NARS2: variants seen among roughly 807,000 people sequenced by gnomAD.
NARS2 encodes asparaginyl-tRNA synthetase.
In NARS2, 60 loss-of-function variants were observed where a neutral mutation model predicts 62.9. The observed-to-expected ratio is 0.95, with a 90% CI of 0.77 to 1.18. NARS2 has a LOEUF of 1.18. NARS2 is among the 50% of genes most tolerant of loss of function. The pLI is 0.00. For missense variants in NARS2, 619 were observed against 576.4 expected, an observed-to-expected ratio of 1.07 and a Z score of -0.76; for synonymous variants, 196 against 200.0, an observed-to-expected ratio of 0.98 and a Z score of 0.17.
chr11:78,448,379 C>T (rs1483558901), intron 11 of NARS2, among the ~76,000 whole-genome samples: 2 of 150,088 alleles, frequency 1.3e-5, no homozygotes, highest in African/African-American at 2.5e-5. Flanking sequence ...TGCAGTGGCG[C>T]GATCTTGGCT....
intron 5 of NARS2, among the ~76,000 whole-genome samples, chr11:78,554,669 G>A (rs1394206371): frequency 6.6e-6 from 1 of 152,108 alleles, no homozygotes; most frequent in East Asian, 1.9e-4. Flanking sequence ...AGGAGCTTTT[G>A]GGCTGAGGCT....
chr11:78,478,788 C>A, intron 7 of NARS2, 105 bp from the exon 8 acceptor site: 1 of 549,826 alleles, frequency 1.8e-6, no homozygotes, highest in Non-Finnish European at 3.1e-6. Flanking sequence ...AACTATAAAT[C>A]CACCAAGTCT....
chr11:78,464,479 C>T (rs970067872), intron 11 of NARS2, among the ~76,000 whole-genome samples: 3 of 152,178 alleles, frequency 2.0e-5, no homozygotes, highest in African/African-American at 7.2e-5. Flanking sequence ...GGTACATTTA[C>T]AGTCCCTGAG....
In NARS2 at chr11:78,505,305, CACACACACACACACACACAT is replaced by C. The variant is rs1338103808; in HGVS notation, c.690-12130_690-12111del. Among the ~76,000 whole-genome samples, 281 of 145,996 alleles carry C rather than the reference CACACACACACACACACACAT, an allele frequency of 1.9e-3. 1 individual carries two copies. The highest frequency in any genetic ancestry group is 6.9e-3 in the African/African-American group (254 of 36,812). ...ACACACACACACACACACACACACACACACACACACACACACACATACGTATGTATATATCTTATGTTAAA... is the reference window on the plus strand; with the variant it reads ...ACACACACACACACACACACACACACACGTATGTATATATCTTATGTTAAA... On this transcript the variant is annotated intron_variant, in intron 6 of 13. Coordinates refer to ENST00000281038, the MANE Select transcript of NARS2 (RefSeq NM_024678.6).
At chr11:78,517,630 C>A (rs896413449) in intron 6 of NARS2, among the ~76,000 whole-genome samples, 1 of 152,184 alleles carries the variant, frequency 6.6e-6, no homozygotes, top group African/African-American at 2.4e-5. Context: ...CCTTCTAAGT[C>A]TATTTACTTC....
Position 78,464,685 on chromosome 11 carries a change from T to C in NARS2, c.1164+1191A>G, listed in dbSNP as rs1029798869. Among the ~76,000 whole-genome samples, 12 of 152,068 alleles carry C rather than the reference T, an allele frequency of 7.9e-5. No homozygotes were observed. In the South Asian group the frequency reaches 1.5e-3, roughly 18 times the overall value. ...AGAGTGCTGATTGGTGTATTTACAA[T>C]CCCTTAGCTAGACATAAAGGTTCTC... On this transcript the variant is annotated intron_variant, in intron 11 of 13. Coordinates refer to ENST00000281038, the MANE Select transcript of NARS2 (RefSeq NM_024678.6).
At chr11:78,555,657 G>GT (rs1357180970) in intron 5 of NARS2, among the ~76,000 whole-genome samples, 1 of 152,196 alleles carries the variant, frequency 6.6e-6, no homozygotes, top group East Asian at 1.9e-4. Context: ...TATTTTGAAT[G>GT]TTTTTTTGTG....
intron 4 of NARS2, among the ~76,000 whole-genome samples, chr11:78,564,279 T>C (rs1856665647): frequency 6.6e-6 from 1 of 152,168 alleles, no homozygotes; most frequent in Non-Finnish European, 1.5e-5. Flanking sequence ...CACTGCAGCC[T>C]CCACCTCCTG....
intron 5 of NARS2, among the ~76,000 whole-genome samples, chr11:78,557,880 T>C (rs951745783): frequency 6.7e-6 from 1 of 150,058 alleles, no homozygotes; most frequent in African/African-American, 2.4e-5. Context: ...GCTTATGGGA[T>C]TTCCCTGGTA....
intron 6 of NARS2, among the ~76,000 whole-genome samples, chr11:78,512,878 G>A (rs550335420): frequency 2.0e-5 from 3 of 152,044 alleles, no homozygotes; most frequent in South Asian, 2.1e-4. Context: ...ATCACATCAC[G>A]GAATATTGGG....
chr11:78,508,304 A>T (rs555222091), intron 6 of NARS2, among the ~76,000 whole-genome samples: 1 of 152,188 alleles, frequency 6.6e-6, no homozygotes, highest in Non-Finnish European at 1.5e-5. Flanking sequence ...AGAGAGAAAA[A>T]GGCAAAGAGA....
At chr11:78,562,494 A>G (rs1294895280) in intron 4 of NARS2, among the ~76,000 whole-genome samples, 1 of 152,208 alleles carries the variant, frequency 6.6e-6, no homozygotes, top group Non-Finnish European at 1.5e-5. Flanking sequence ...TGCCATACAG[A>G]GAAGAACAAT....
chr11:78,559,690 A>T, intron 4 of NARS2, 71 bp from the exon 5 acceptor site: 2 of 1,046,220 alleles, frequency 1.9e-6, no homozygotes, highest in Non-Finnish European at 3.0e-6. Context: ...ATCCTCTTAT[A>T]GTATTAAAAT....
intron 11 of NARS2, among the ~76,000 whole-genome samples, chr11:78,458,295 G>C (rs1338682577): frequency 1.3e-5 from 2 of 152,078 alleles, no homozygotes; most frequent in East Asian, 1.9e-4. Flanking sequence ...TTAAAATTTA[G>C]AAAGTAGGAA....
At chr11:78,447,861 G>A (rs1413139622) in intron 11 of NARS2, among the ~76,000 whole-genome samples, 2 of 152,108 alleles carry the variant, frequency 1.3e-5, no homozygotes, top group Non-Finnish European at 2.9e-5. Flanking sequence ...GGAAGGGAAC[G>A]AAGAGTTGCT....
intron 6 of NARS2, among the ~76,000 whole-genome samples, chr11:78,508,631 A>T (rs1406861732): frequency 6.6e-6 from 1 of 152,048 alleles, no homozygotes. Flanking sequence ...TTGAAGAAAT[A>T]ATGGCTGAAA....
chr11:78,481,743 T>C (rs1859364016), intron 7 of NARS2, among the ~76,000 whole-genome samples: 2 of 152,210 alleles, frequency 1.3e-5, no homozygotes, highest in South Asian at 2.1e-4. Context: ...GGGGAAAATA[T>C]TCTTTGTTAG....
chr11:78,514,191 C>G (rs913428350), intron 6 of NARS2, among the ~76,000 whole-genome samples: 3 of 152,144 alleles, frequency 2.0e-5, no homozygotes, highest in Non-Finnish European at 4.4e-5. Flanking sequence ...GGCACGATCT[C>G]TGTTCACTGC....
intron 6 of NARS2, among the ~76,000 whole-genome samples, chr11:78,522,117 TA>T (rs1861151464): frequency 1.4e-5 from 2 of 144,020 alleles, no homozygotes; most frequent in African/African-American, 5.7e-5. Flanking sequence ...TACATCCAGC[TA>T]ATTTTTTTTT....
Sources: gnomAD v4.1 joint callset for allele counts (sites outside exome capture counted in the v4.1 genomes callset) on GRCh38, gnomAD v4.1.1 for gene constraint, MANE v1.5 for transcripts, NCBI Gene and HGNC (gene_info 2026-07-23, HGNC 2026-07-21) for gene names.